The following BAZ1A variants were observed in gnomAD, a reference collection of about 807,000 sequenced individuals.
BAZ1A encodes bromodomain adjacent to zinc finger domain protein 1A.
Under a neutral mutation model 185.2 loss-of-function variants are expected in BAZ1A, and 50 were observed. That is an observed-to-expected ratio of 0.27 (90% CI 0.22 to 0.34). BAZ1A has a LOEUF of 0.34. Among genes scored for constraint, BAZ1A ranks in the 10% least tolerant of loss-of-function variants. BAZ1A has a pLI of 1.00. For missense variants in BAZ1A, 1,356 were observed against 1,839.9 expected (o/e 0.74, Z 4.81); for synonymous variants, 571 against 615.6 (o/e 0.93, Z 1.07).
chr14:34,761,285 T>TA (rs1249746167), intron 24 of BAZ1A, among the ~76,000 whole-genome samples: 1 of 151,972 alleles, frequency 6.6e-6, no homozygotes, highest in Non-Finnish European at 1.5e-5. Flanking sequence ...GTCAATCAAA[T>TA]AAAAAATAAA....
chr14:34,770,147 A>C (rs1164530907), intron 21 of BAZ1A, among the ~76,000 whole-genome samples: 1 of 152,124 alleles, frequency 6.6e-6, no homozygotes, highest in Non-Finnish European at 1.5e-5. Flanking sequence ...GAGATATCAA[A>C]AAATTATTAT....
chr14:34,763,421 TAA>T (rs1162162277), intron 23 of BAZ1A, among the ~76,000 whole-genome samples: 47 of 134,088 alleles, frequency 3.5e-4, no homozygotes, highest in Admixed American at 1.4e-3. Context: ...TTCAAATGTT[TAA>T]AAAAAAAAAA....
intron 7 of BAZ1A, among the ~76,000 whole-genome samples, chr14:34,801,770 G>A (rs539762867): frequency 3.3e-5 from 5 of 152,168 alleles, no homozygotes; most frequent in East Asian, 1.9e-4. Flanking sequence ...TTAGCTGGGC[G>A]TGGTGGCATG....
chr14:34,853,202 G>A lies in BAZ1A; in HGVS notation c.392+8842C>T, dbSNP rs189523950. On this transcript the variant is annotated intron_variant, in intron 3 of 26. Coordinates refer to ENST00000360310, the MANE Select transcript of BAZ1A (RefSeq NM_013448.3). The stretch of plus-strand genomic sequence containing the variant: ...TTCCAATTTAGTGTTCCTGTCACAA[G>A]ACTTCTCCTGTAGGCTCTAAGGAAG... Among the ~76,000 whole-genome samples, 31 of 152,294 alleles carry A rather than the reference G, an allele frequency of 2.0e-4. No individual in the cohort carries two copies. In the East Asian group the frequency reaches 5.4e-3, roughly 27 times the overall value.
intron 2 of BAZ1A, among the ~76,000 whole-genome samples, chr14:34,871,998 A>G (rs928659816): frequency 5.3e-5 from 8 of 152,340 alleles, no homozygotes; most frequent in Admixed American, 4.6e-4. Context: ...TCTCTTTGTA[A>G]TCATTTGCGA....
intron 9 of BAZ1A, among the ~76,000 whole-genome samples, chr14:34,799,794 T>C (rs1881407566): frequency 6.6e-6 from 1 of 152,062 alleles, no homozygotes; most frequent in African/African-American, 2.4e-5. Context: ...GTATTTTTAG[T>C]AGAGATGGGG....
chr14:34,845,689 C>T lies in BAZ1A; in HGVS notation c.392+16355G>A, dbSNP rs559939020. Among the ~76,000 whole-genome samples the T allele has an allele frequency of 5.3e-5, 8 of 151,838 alleles. No individual in the cohort carries two copies. In the South Asian group the frequency reaches 1.5e-3, roughly 28 times the overall value. On this transcript the variant is annotated intron_variant, in intron 3 of 26. Coordinates refer to ENST00000360310, the MANE Select transcript of BAZ1A (RefSeq NM_013448.3). ...TCCTGGCTAACATGGTGAAAAACAC[C>T]GTCTCTACTAAAAATACAAAAATTA...
rs909545269 is a variant in BAZ1A, at chr14:34,754,390, G to A, written c.4474+437C>T. ...ACCAAAATTTTGCCTCTGCACTCCAGCCTGGGCAACAGAGTGAGACGTATC... is the reference window on the plus strand; with the variant it reads ...ACCAAAATTTTGCCTCTGCACTCCAACCTGGGCAACAGAGTGAGACGTATC... On this transcript the variant is annotated intron_variant, in intron 26 of 26. Coordinates refer to ENST00000360310, the MANE Select transcript of BAZ1A (RefSeq NM_013448.3). 5.8e-5 allele frequency among the ~76,000 whole-genome samples: 8 copies of A among 138,966 alleles called. No individual in the cohort carries two copies. In the Admixed American group the frequency reaches 6.1e-4, roughly 11 times the overall value. The allele number at this position is 138,966 out of a possible 152,430, so 91.2% of individuals were successfully genotyped here. A position where few individuals can be genotyped will look rare whatever the true frequency, so the allele number is the denominator to read the frequency against.
At position 34,820,122 on chromosome 14, in the gene BAZ1A, G is replaced by GTTTTTTTTTTT. The variant is rs59706713; in HGVS notation, c.536+5880_536+5890dup. Among the ~76,000 whole-genome samples the GTTTTTTTTTTT allele has an allele frequency of 9.9e-5, 8 of 80,646 alleles. 1 individual carries two copies. Among genetic ancestry groups the GTTTTTTTTTTT allele is most frequent in the Non-Finnish European group, 1.1e-4 (5 of 44,498 alleles). 52.9% of individuals were successfully genotyped at this position (80,646 alleles called of 152,430 possible). ...TTGCCATTTTTTAATTGGGTTCCTC[G>GTTTTTTTTTTT]TTTTTTTTTTTTTTTTTTTTTTTGA... On this transcript the variant is annotated intron_variant, in intron 4 of 26. Transcript: ENST00000360310.
At chr14:34,854,685 C>T (rs974352035) in intron 3 of BAZ1A, among the ~76,000 whole-genome samples, 2 of 152,172 alleles carry the variant, frequency 1.3e-5, no homozygotes, top group African/African-American at 4.8e-5. Context: ...ATTTGTCCAA[C>T]AAAGTCTAAC....
Position 34,832,215 on chromosome 14 carries a change from C to CACACACACACACATATATATATAT in BAZ1A, c.393-6060_393-6059insATATATATATATGTGTGTGTGTGT. Among the ~76,000 whole-genome samples the CACACACACACACATATATATATAT allele has an allele frequency of 9.5e-3, 854 of 89,558 alleles. 16 individuals are homozygous for CACACACACACACATATATATATAT. The highest frequency in any genetic ancestry group is 0.015 in the Non-Finnish European group (631 of 42,626). The allele number at this position is 89,558 out of a possible 152,430, so 58.8% of individuals were successfully genotyped here. On this transcript the variant is annotated intron_variant, in intron 3 of 26. Transcript: ENST00000360310. ...ATACACACACACACACACACACACA[C>CACACACACACACATATATATATAT]ATATATATATATATATGTATGTATG...
chr14:34,789,545 A>T (rs1265927511), intron 12 of BAZ1A, among the ~76,000 whole-genome samples: 1 of 152,226 alleles, frequency 6.6e-6, no homozygotes, highest in Non-Finnish European at 1.5e-5. Flanking sequence ...ATGATAATCT[A>T]GAATTAGGTG....
At chr14:34,857,376 A>C (rs79848264) in intron 3 of BAZ1A, among the ~76,000 whole-genome samples, 2,861 of 152,224 alleles carry the variant, frequency 0.019, 36 homozygotes, top group South Asian at 0.039. Flanking sequence ...ATGATCATGT[A>C]GTCGGCTCAC....
At chr14:34,829,840 C>CT (rs1341416074) in intron 3 of BAZ1A, among the ~76,000 whole-genome samples, 1 of 152,140 alleles carries the variant, frequency 6.6e-6, no homozygotes, top group Non-Finnish European at 1.5e-5. Flanking sequence ...TCTTGATCTC[C>CT]TCATACTACC....
intron 18 of BAZ1A, among the ~76,000 whole-genome samples, chr14:34,775,670 G>A (rs933642905): frequency 6.6e-6 from 1 of 152,206 alleles, no homozygotes; most frequent in Non-Finnish European, 1.5e-5. Flanking sequence ...AGATCAGGGA[G>A]AATATGTATT....
intron 3 of BAZ1A, among the ~76,000 whole-genome samples, chr14:34,861,773 AAG>A (rs1365875514): frequency 6.6e-6 from 1 of 152,214 alleles, no homozygotes; most frequent in Non-Finnish European, 1.5e-5. Flanking sequence ...TTGCATTAAA[AAG>A]GGAAGGAATT....
Position 34,753,359 on chromosome 14 carries a change from C to CTGAG in BAZ1A, c.*145_*148dup. On this transcript the variant is annotated 3_prime_UTR_variant, in exon 27 of 27. Coordinates refer to ENST00000360310, the MANE Select transcript of BAZ1A (RefSeq NM_013448.3). ...CAAAGGATATCTTTCCTACATTCTCCTGAGTGCTTAATATTAAAATTGAGA... is the reference window on the plus strand; with the variant it reads ...CAAAGGATATCTTTCCTACATTCTCCTGAGTGAGTGCTTAATATTAAAATTGAGA... The CTGAG allele has an allele frequency of 1.4e-6, 1 of 738,748 alleles. No homozygotes were observed. The highest frequency in any genetic ancestry group is 1.9e-5 in the South Asian group (1 of 51,450). 45.8% of individuals were successfully genotyped at this position (738,748 alleles called of 1,614,324 possible). A position where few individuals can be genotyped will look rare whatever the true frequency, so the allele number is the denominator to read the frequency against.
chr14:34,782,606 G>C (rs1309651684), intron 16 of BAZ1A, among the ~76,000 whole-genome samples: 1 of 151,924 alleles, frequency 6.6e-6, no homozygotes, highest in African/African-American at 2.4e-5. Flanking sequence ...AAGATCTTAA[G>C]GCTTATTAAT....
At chr14:34,799,954 A>G (rs192580589) in intron 9 of BAZ1A, among the ~76,000 whole-genome samples, 91 of 152,314 alleles carry the variant, frequency 6.0e-4, no homozygotes, top group African/African-American at 2.1e-3. Context: ...AAAGGTTTAC[A>G]TATAAACTTT....
Sources: gnomAD v4.1 joint callset for allele counts (sites outside exome capture counted in the v4.1 genomes callset) on GRCh38, gnomAD v4.1.1 for gene constraint, MANE v1.5 for transcripts, NCBI Gene and HGNC (gene_info 2026-07-23, HGNC 2026-07-21) for gene names.